Variants in EBF3 observed in about 807,000 individuals in gnomAD.
EBF3 encodes EBF transcription factor 3.
EBF3 carries 18 observed loss-of-function variants against 77.1 expected under a neutral mutation model. The ratio of observed to expected loss-of-function variants is 0.23; its 90% CI spans 0.16 to 0.35. EBF3 has a LOEUF of 0.35. Ranked by LOEUF, EBF3 falls within the 10% of genes least tolerant of loss-of-function variation. EBF3 has a pLI of 1.00. For missense variants in EBF3, 558 were observed against 860.0 expected, an observed-to-expected ratio of 0.65 and a Z score of 4.39; for synonymous variants, 350 against 343.5, an observed-to-expected ratio of 1.02 and a Z score of -0.21.
In EBF3 at chr10:129,963,052, C is replaced by T. The variant is rs756721797; in HGVS notation, c.292-47G>A. The T allele has an allele frequency of 3.1e-6, 5 of 1,610,648 alleles. No individual in the cohort carries two copies. Among genetic ancestry groups the T allele is most frequent in the Non-Finnish European group, 3.4e-6 (4 of 1,177,134 alleles). On this transcript the variant is annotated intron_variant, in intron 2 of 16. Coordinates refer to ENST00000440978, the MANE Select transcript of EBF3 (RefSeq NM_001375380.1). This position sits in a 1 kb window ranked among gnomAD's most constrained non-coding sequence, Gnocchi z 7.1. ...TGCATTTAGTGCGATCGGTGTCAGG[C>T]GCGGCCACCACGCTCGGTCCCCCTC... is the stretch of plus-strand genomic sequence containing the variant.
intron 6 of EBF3, among the ~76,000 whole-genome samples, chr10:129,884,991 ATACCTCACTATCGAACATTATTAGGTT>A (rs1205372686): frequency 6.6e-6 from 1 of 152,176 alleles, no homozygotes; most frequent in East Asian, 1.9e-4. Context: ...CTCCTGACAA[ATACCTCACTATCGAACATTATTAGGTT>A]TAGAAAATTA....
chr10:129,928,321 C>T (rs1856803479), intron 6 of EBF3, among the ~76,000 whole-genome samples: 1 of 152,198 alleles, frequency 6.6e-6, no homozygotes, highest in Non-Finnish European at 1.5e-5. Flanking sequence ...GAGCTAACCA[C>T]AATTATTAGT....
intron 8 of EBF3, 103 bp from the exon 9 acceptor site, chr10:129,868,015 C>T (rs937805232): frequency 2.7e-5 from 41 of 1,501,812 alleles, no homozygotes; most frequent in East Asian, 2.5e-4. Flanking sequence ...GGAGGAGAGG[C>T]GCGCCGTTCC....
At chr10:129,904,499 G>A (rs748115720) in intron 6 of EBF3, among the ~76,000 whole-genome samples, 1 of 151,758 alleles carries the variant, frequency 6.6e-6, no homozygotes, top group East Asian at 1.9e-4. Flanking sequence ...ATGGATGGAT[G>A]AATGAATGGA....
chr10:129,949,536 C>T (rs1436888659), intron 6 of EBF3, among the ~76,000 whole-genome samples: 3 of 152,190 alleles, frequency 2.0e-5, no homozygotes, highest in African/African-American at 7.2e-5. Flanking sequence ...CAGGCCCCAT[C>T]ACTGCCCAGA....
At chr10:129,845,957 CAT>C (rs1850429015) in intron 11 of EBF3, 1 of 123,094 alleles carries the variant, frequency 8.1e-6, no homozygotes, top group African/African-American at 3.1e-5. Context: ...TTTACTATAA[CAT>C]GTCTTAGCCT....
rs544790241 is a variant in EBF3 at position 129,902,770 on chromosome 10, TAAAAC to T, written c.555-24926_555-24922del. Among the ~76,000 whole-genome samples the T allele has an allele frequency of 7.9e-5, 12 of 152,212 alleles. No individual in the cohort carries two copies. The South Asian group carries it at 2.1e-3, about 26-fold the overall frequency. ...CCGAGACCCGGGGTCAGTAATGCAT[TAAAAC>T]AAAACAAGACACACAGGATTTCAGT... On this transcript the variant is annotated intron_variant, in intron 6 of 16. Coordinates refer to ENST00000440978, the MANE Select transcript of EBF3 (RefSeq NM_001375380.1).
At chr10:129,851,719 G>GT (rs1375383754) in intron 10 of EBF3, among the ~76,000 whole-genome samples, 3 of 152,160 alleles carry the variant, frequency 2.0e-5, no homozygotes, top group African/African-American at 7.2e-5. Flanking sequence ...AGAGATGAAT[G>GT]TATGTGTGAA....
intron 6 of EBF3, among the ~76,000 whole-genome samples, chr10:129,899,727 A>T (rs1854652031): frequency 6.6e-6 from 1 of 152,150 alleles, no homozygotes; most frequent in South Asian, 2.1e-4. Flanking sequence ...GTGAAAAAAA[A>T]GCCAAGAAAG....
intron 7 of EBF3, among the ~76,000 whole-genome samples, chr10:129,875,472 C>T (rs977822493): frequency 6.6e-6 from 1 of 152,024 alleles, no homozygotes. Context: ...CTGGGATGAC[C>T]GGCGTGAGCC....
chr10:129,878,851 A>G (rs1332735670), intron 6 of EBF3, among the ~76,000 whole-genome samples: 3 of 147,704 alleles, frequency 2.0e-5, no homozygotes, highest in Non-Finnish European at 4.5e-5. Context: ...AAAAAATCTA[A>G]GAACTGATTG....
In EBF3 at chr10:129,917,651, C is replaced by CAAAAAAAAAAAAA. The variant is rs71481019; in HGVS notation, c.554+39594_554+39606dup. Reference sequence around the variant, plus strand: ...TGGGCACCACAGCAAGACCCTGCCTCAAAAAAAAAAAAAAAAAAAAAAAAA... The same window carrying CAAAAAAAAAAAAA: ...TGGGCACCACAGCAAGACCCTGCCTCAAAAAAAAAAAAAAAAAAAAAAAAAAAAAAAAAAAAAA... On this transcript the variant is annotated intron_variant, in intron 6 of 16. Coordinates refer to ENST00000440978, the MANE Select transcript of EBF3 (RefSeq NM_001375380.1). Among the ~76,000 whole-genome samples the CAAAAAAAAAAAAA allele has an allele frequency of 2.8e-3, 67 of 23,590 alleles. 5 individuals are homozygous for CAAAAAAAAAAAAA. The highest frequency in any genetic ancestry group is 4.0e-3 in the Non-Finnish European group (57 of 14,372). 15.5% of individuals were successfully genotyped at this position (23,590 alleles called of 152,430 possible). A position where few individuals can be genotyped will look rare whatever the true frequency, so the allele number is the denominator to read the frequency against.
At position 129,846,556 on chromosome 10, in the gene EBF3, T is replaced by C. The variant is rs566205984; in HGVS notation, c.1128+1836A>G. On this transcript the variant is annotated intron_variant, in intron 11 of 16. Transcript: ENST00000440978. ...CTGATTTTCTTTATTCCATTTCTTT[T>C]TTCATTCAAAATGTATGTTAAGGCC... Among the ~76,000 whole-genome samples, 461 of 151,898 alleles carry C rather than the reference T, an allele frequency of 3.0e-3. 12 individuals are homozygous for C. The highest frequency in any genetic ancestry group is 1.8e-3 in the Non-Finnish European group (123 of 68,002).
intron 6 of EBF3, among the ~76,000 whole-genome samples, chr10:129,880,392 T>G (rs577036077): frequency 6.6e-6 from 1 of 150,868 alleles, no homozygotes; most frequent in South Asian, 2.1e-4. Flanking sequence ...TACACACACA[T>G]GCCTACACAT....
intron 4 of EBF3, among the ~76,000 whole-genome samples, chr10:129,960,945 C>T (rs916348389): frequency 2.6e-5 from 4 of 152,246 alleles, no homozygotes; most frequent in Admixed American, 1.3e-4. Context: ...AAGGGCACAC[C>T]GCCTCTGTCT....
intron 10 of EBF3, among the ~76,000 whole-genome samples, chr10:129,866,862 C>A (rs1254084031): frequency 1.3e-5 from 2 of 152,208 alleles, no homozygotes; most frequent in Admixed American, 6.5e-5. Flanking sequence ...CTAATGACTC[C>A]CCCTGCCACT....
chr10:129,920,638 C>A (rs757922257), intron 6 of EBF3, among the ~76,000 whole-genome samples: 7 of 152,242 alleles, frequency 4.6e-5, no homozygotes, highest in Non-Finnish European at 8.8e-5. Context: ...GAAGACATGA[C>A]TCCAGTGGTA....
In EBF3 at chr10:129,870,245, T is replaced by C. The variant is rs1253248718; in HGVS notation, c.782-2333A>G. On this transcript the variant is annotated intron_variant, in intron 8 of 16. Coordinates refer to ENST00000440978, the MANE Select transcript of EBF3 (RefSeq NM_001375380.1). The surrounding 1 kb of genome is among the most constrained non-coding windows in gnomAD (Gnocchi z 4.4). ...TCAGTGCACATATAGAGAGGGAACA[T>C]GTGTTCAATGGGAACCATAGCAAAA... Among the ~76,000 whole-genome samples, 1 of 152,124 alleles carries C rather than the reference T, an allele frequency of 6.6e-6. No individual in the cohort carries two copies. Among genetic ancestry groups the C allele is most frequent in the Admixed American group, 6.5e-5 (1 of 15,270 alleles).
intron 6 of EBF3, among the ~76,000 whole-genome samples, chr10:129,919,011 G>A (rs574455413): frequency 2.0e-5 from 3 of 152,274 alleles, no homozygotes; most frequent in East Asian, 1.9e-4. Flanking sequence ...TCAGGCACCC[G>A]CCCATGGAAG....
Sources: allele counts gnomAD v4.1 joint callset (sites outside exome capture counted in the v4.1 genomes callset), GRCh38; gene constraint gnomAD v4.1.1; non-coding constraint Gnocchi (gnomAD v3.1); transcripts MANE v1.5; gene names NCBI Gene and HGNC (gene_info 2026-07-23, HGNC 2026-07-21).